CDH18: variants seen among roughly 807,000 people sequenced by gnomAD.
CDH18 encodes cadherin-18.
Under a neutral mutation model 67.9 loss-of-function variants are expected in CDH18, and 31 were observed. That is an observed-to-expected ratio of 0.46 (90% CI 0.34 to 0.62). CDH18 has a LOEUF of 0.62. Among genes scored for constraint, CDH18 ranks in the 20% least tolerant of loss-of-function variants. The pLI is 0.01. For synonymous variants in CDH18, 362 were observed against 347.2 expected, an observed-to-expected ratio of 1.04 and a Z score of -0.48; for missense variants, 890 against 975.5, an observed-to-expected ratio of 0.91 and a Z score of 1.17.
chr5:20,025,195 A>G (rs1194200313), intron 2 of CDH18, among the ~76,000 whole-genome samples: 1 of 152,164 alleles, frequency 6.6e-6, no homozygotes, highest in Non-Finnish European at 1.5e-5. Context: ...TCTTTACTAC[A>G]TGAAAAATTC....
intron 5 of CDH18, among the ~76,000 whole-genome samples, chr5:19,613,261 G>A (rs947485989): frequency 6.6e-6 from 1 of 152,092 alleles, no homozygotes; most frequent in African/African-American, 2.4e-5. Flanking sequence ...TTCAACTAAG[G>A]TGGTCATATT....
At chr5:19,971,147 A>T (rs532861500) in intron 2 of CDH18, among the ~76,000 whole-genome samples, 17 of 152,128 alleles carry the variant, frequency 1.1e-4, no homozygotes, top group African/African-American at 3.8e-4. Context: ...TATTGATGAA[A>T]TGCTAGTCTA....
chr5:20,139,898 A>C (rs574543168), intron 2 of CDH18, among the ~76,000 whole-genome samples: 101 of 152,332 alleles, frequency 6.6e-4, no homozygotes, highest in Non-Finnish European at 1.3e-3. Context: ...ACCACTGTGA[A>C]AGACAGTGTA....
intron 1 of CDH18, among the ~76,000 whole-genome samples, chr5:20,539,664 T>C (rs1756937005): frequency 6.6e-6 from 1 of 151,984 alleles, no homozygotes; most frequent in South Asian, 2.1e-4. Flanking sequence ...ATTAAATATT[T>C]ATTTTAGGTA....
intron 2 of CDH18, among the ~76,000 whole-genome samples, chr5:20,024,344 A>G (rs879790849): frequency 6.6e-6 from 1 of 152,232 alleles, no homozygotes; most frequent in Admixed American, 6.5e-5. Flanking sequence ...GTAGGGTGCT[A>G]TATAAAATAA....
intron 1 of CDH18, among the ~76,000 whole-genome samples, chr5:20,418,418 T>C (rs990487306): frequency 2.0e-5 from 3 of 151,660 alleles, no homozygotes; most frequent in Non-Finnish European, 4.4e-5. Context: ...CTGGTTTACA[T>C]TGCCTCTTTG....
At chr5:20,507,714 C>T (rs552605391) in intron 1 of CDH18, among the ~76,000 whole-genome samples, 2 of 151,962 alleles carry the variant, frequency 1.3e-5, no homozygotes, top group East Asian at 1.9e-4. Flanking sequence ...TTATTATTAC[C>T]ACATTTTTAA....
At chr5:20,449,956 C>A (rs1750302242) in intron 1 of CDH18, among the ~76,000 whole-genome samples, 1 of 150,782 alleles carries the variant, frequency 6.6e-6, no homozygotes, top group Admixed American at 6.7e-5. Flanking sequence ...TTTCCAGAAA[C>A]AATTTTGAAA....
intron 1 of CDH18, among the ~76,000 whole-genome samples, chr5:20,415,578 C>T (rs892522017): frequency 1.3e-5 from 2 of 151,580 alleles, no homozygotes; most frequent in Non-Finnish European, 2.9e-5. Context: ...TTGAGACCAA[C>T]CTGGCTAACA....
At chr5:20,561,619 TAGA>T (rs1306845601) in intron 1 of CDH18, among the ~76,000 whole-genome samples, 1 of 152,038 alleles carries the variant, frequency 6.6e-6, no homozygotes, top group Non-Finnish European at 1.5e-5. Context: ...AGGTCAAGCA[TAGA>T]AGATTTTTTT....
At chr5:19,534,544 C>G (rs1257101994) in intron 9 of CDH18, among the ~76,000 whole-genome samples, 1 of 152,106 alleles carries the variant, frequency 6.6e-6, no homozygotes, top group Non-Finnish European at 1.5e-5. Flanking sequence ...TCAAAGCAAA[C>G]TCATAGCTTA....
At chr5:19,696,781 A>T (rs896858269) in intron 5 of CDH18, among the ~76,000 whole-genome samples, 1 of 152,140 alleles carries the variant, frequency 6.6e-6, no homozygotes, top group Non-Finnish European at 1.5e-5. Flanking sequence ...TCTCCATAGG[A>T]CTGAATGCAT....
chr5:19,491,972 A>G (rs1007041699), intron 11 of CDH18, among the ~76,000 whole-genome samples: 1 of 152,160 alleles, frequency 6.6e-6, no homozygotes, highest in African/African-American at 2.4e-5. Flanking sequence ...TTATTTTTAA[A>G]GAATTCAAGT....
intron 2 of CDH18, among the ~76,000 whole-genome samples, chr5:19,873,741 A>T (rs1561485381): frequency 6.6e-6 from 1 of 151,864 alleles, no homozygotes; most frequent in Non-Finnish European, 1.5e-5. Context: ...TCTGCCCCCC[A>T]GGTTCAAGCA....
intron 1 of CDH18, among the ~76,000 whole-genome samples, chr5:20,484,581 T>C (rs1753042019): frequency 6.6e-6 from 1 of 152,088 alleles, no homozygotes; most frequent in African/African-American, 2.4e-5. Context: ...ATATACATAA[T>C]GGAGTTATTA....
chr5:20,484,288 CA>C (rs1284010875), intron 1 of CDH18, among the ~76,000 whole-genome samples: 1 of 151,870 alleles, frequency 6.6e-6, no homozygotes, highest in Non-Finnish European at 1.5e-5. Context: ...TAGATGCTGG[CA>C]AGGATGTGGA....
chr5:19,643,764 G>A (rs957210473), intron 5 of CDH18, among the ~76,000 whole-genome samples: 2 of 152,082 alleles, frequency 1.3e-5, no homozygotes, highest in Non-Finnish European at 2.9e-5. Flanking sequence ...GATCTAATGT[G>A]CAACAATGTG....
intron 2 of CDH18, among the ~76,000 whole-genome samples, chr5:19,893,725 G>C (rs1789011477): frequency 6.6e-6 from 1 of 152,088 alleles, no homozygotes; most frequent in African/African-American, 2.4e-5. Flanking sequence ...GAAGATTTAT[G>C]GAAGTTAATG....
intron 1 of CDH18, among the ~76,000 whole-genome samples, chr5:20,336,563 A>G (rs1739762677): frequency 6.6e-6 from 1 of 151,822 alleles, no homozygotes; most frequent in South Asian, 2.1e-4. Flanking sequence ...TATACTAAAA[A>G]TACAAAAAAA....
Sources: gnomAD v4.1 joint callset for allele counts (sites outside exome capture counted in the v4.1 genomes callset) on GRCh38, gnomAD v4.1.1 for gene constraint, MANE v1.5 for transcripts, NCBI Gene and HGNC (gene_info 2026-07-23, HGNC 2026-07-21) for gene names.